The following MSI2 variants were observed in gnomAD, a reference collection of about 807,000 sequenced individuals.
MSI2 encodes RNA-binding protein Musashi homolog 2.
A neutral mutation model predicts 45.6 loss-of-function variants in MSI2; 17 were observed. The observed-to-expected ratio is 0.37, with a 90% CI of 0.26 to 0.56. MSI2 has a LOEUF of 0.56. MSI2 is among the 20% of genes least tolerant of loss of function. The probability of loss-of-function intolerance (pLI) is 0.77; values close to 1 mark genes in which losing one functional copy is unlikely to be tolerated. For synonymous variants in MSI2, 156 were observed against 158.2 expected (o/e 0.99, Z 0.11); for missense variants, 293 against 444.2 (o/e 0.66, Z 3.06).
intron 6 of MSI2, among the ~76,000 whole-genome samples, chr17:57,519,013 C>G (rs2086528608): frequency 6.6e-6 from 1 of 152,190 alleles, no homozygotes; most frequent in Non-Finnish European, 1.5e-5. Flanking sequence ...GCCTGCTGCC[C>G]CACTCTCCAG....
chr17:57,513,081 C>A (rs147563759), intron 6 of MSI2, among the ~76,000 whole-genome samples: 1 of 149,158 alleles, frequency 6.7e-6, no homozygotes, highest in African/African-American at 2.5e-5. Context: ...TCAAGCGATT[C>A]TCCTACCTAA....
At chr17:57,355,749 T>C (rs2143866285) in intron 5 of MSI2, among the ~76,000 whole-genome samples, 1 of 152,370 alleles carries the variant, frequency 6.6e-6, no homozygotes, top group Admixed American at 6.5e-5. Flanking sequence ...GCTCACCTTT[T>C]AATAACTTGC....
intron 7 of MSI2, among the ~76,000 whole-genome samples, chr17:57,577,680 G>C (rs1159947504): frequency 1.3e-5 from 2 of 152,186 alleles, no homozygotes; most frequent in Non-Finnish European, 1.5e-5. Context: ...TTTTCTTGGA[G>C]TCATGATGTA....
chr17:57,262,720 A>G lies in MSI2; in HGVS notation c.312+528A>G, dbSNP rs559872774. On this transcript the variant is annotated intron_variant, in intron 5 of 13. Coordinates refer to ENST00000284073, the MANE Select transcript of MSI2 (RefSeq NM_138962.4). ...ATAAGTCAGGGCATACTTGAAACCA[A>G]CAGTGCTTCTTATTTGTGCAAGTGC... 1.4e-4 allele frequency among the ~76,000 whole-genome samples: 22 copies of G among 152,336 alleles called. No individual in the cohort carries two copies. In the East Asian group the frequency reaches 3.3e-3, roughly 23 times the overall value.
At chr17:57,633,231 T>G (rs886464637) in intron 10 of MSI2, 19 of 985,854 alleles carry the variant, frequency 1.9e-5, no homozygotes, top group Admixed American at 5.9e-5. Flanking sequence ...CTGTTCTCGC[T>G]CCGGGGGAGG....
At chr17:57,691,962 T>C in the MSI2 span, among the ~76,000 whole-genome samples, 2 of 152,194 alleles carry the variant, frequency 1.3e-5, no homozygotes, top group Non-Finnish European at 2.9e-5. Context: ...ATGTTAGCTG[T>C]AAGTTTTTTG....
intron 10 of MSI2, chr17:57,628,585 G>A (rs1235957087): frequency 6.6e-6 from 1 of 152,442 alleles, no homozygotes; most frequent in African/African-American, 2.4e-5. Flanking sequence ...TCTCTCTTTT[G>A]GAAAAGGGGG....
intron 6 of MSI2, among the ~76,000 whole-genome samples, chr17:57,465,170 T>C (rs1327415378): frequency 2.0e-5 from 3 of 152,158 alleles, no homozygotes; most frequent in African/African-American, 7.2e-5. Flanking sequence ...AAAACCTAAA[T>C]TAAAGCACAG....
chr17:57,442,723 G>C (rs2084823212), intron 6 of MSI2, among the ~76,000 whole-genome samples: 1 of 152,208 alleles, frequency 6.6e-6, no homozygotes, highest in African/African-American at 2.4e-5. Flanking sequence ...GGGAGCGAGG[G>C]AGGCGGTGCT....
chr17:57,679,231 C>G (rs1287261851), intron 13 of MSI2, among the ~76,000 whole-genome samples: 1 of 152,220 alleles, frequency 6.6e-6, no homozygotes, highest in East Asian at 1.9e-4. Context: ...GCCCACCTGG[C>G]TGCAATCCCT....
intron 5 of MSI2, chr17:57,279,902 C>G (rs1481009029): frequency 6.6e-6 from 1 of 152,196 alleles, no homozygotes; most frequent in African/African-American, 2.4e-5. Flanking sequence ...TTGCCTTGGC[C>G]TCCCAAAGTA....
intron 6 of MSI2, among the ~76,000 whole-genome samples, chr17:57,520,590 T>C (rs904851407): frequency 2.6e-5 from 4 of 152,210 alleles, no homozygotes; most frequent in African/African-American, 9.7e-5. Flanking sequence ...CAAAAATGGT[T>C]AAAATGATAA....
Position 57,683,462 on chromosome 17 carries a change from A to T in MSI2, c.*3945A>T, listed in dbSNP as rs1238438214. The T allele has an allele frequency of 4.4e-6, 1 of 229,400 alleles. No individual in the cohort carries two copies. The highest frequency in any genetic ancestry group is 2.2e-5 in the African/African-American group (1 of 45,144). The allele number at this position is 229,400 out of a possible 1,614,324, so 14.2% of individuals were successfully genotyped here. A position where few individuals can be genotyped will look rare whatever the true frequency, so the allele number is the denominator to read the frequency against. On this transcript the variant is annotated 3_prime_UTR_variant, in exon 14 of 14. Coordinates refer to ENST00000284073, the MANE Select transcript of MSI2 (RefSeq NM_138962.4). The surrounding 1 kb of genome is among the most constrained non-coding windows in gnomAD (Gnocchi z 5.2). ...GGACTTAGCCTCCTCCACCACCTCC[A>T]CACTGCTTCATTCTGCCATTCACTC...
chr17:57,549,675 G>A (rs1567893227), intron 7 of MSI2, among the ~76,000 whole-genome samples: 1 of 152,304 alleles, frequency 6.6e-6, no homozygotes, highest in East Asian at 1.9e-4. Context: ...CCTAATGGGT[G>A]ACTGATACTC....
chr17:57,261,251 G>A (rs758915549), intron 4 of MSI2, among the ~76,000 whole-genome samples: 16 of 152,156 alleles, frequency 1.1e-4, no homozygotes, highest in Non-Finnish European at 2.1e-4. Context: ...CGTTTTGCAA[G>A]TGTGTGATTT....
rs1465726123 is a variant in MSI2, at chr17:57,508,304, GC to G, written c.406-21371del. Among the ~76,000 whole-genome samples, 5 of 152,232 alleles carry G rather than the reference GC, an allele frequency of 3.3e-5. No homozygotes were observed. In the East Asian group the frequency reaches 9.7e-4, roughly 29 times the overall value. ...CCTTCCTCTGCTGCCCGTATCCAGCGCAGACTTCCCGGACCTCCAGCCCCTA... is the reference window on the plus strand; with the variant it reads ...CCTTCCTCTGCTGCCCGTATCCAGCGAGACTTCCCGGACCTCCAGCCCCTA... On this transcript the variant is annotated intron_variant, in intron 6 of 13. Transcript: ENST00000284073.
chr17:57,381,393 C>T (rs2083595212), intron 5 of MSI2, among the ~76,000 whole-genome samples: 1 of 152,170 alleles, frequency 6.6e-6, no homozygotes, highest in South Asian at 2.1e-4. Context: ...AATGGCTCAT[C>T]TCAAATATCT....
chr17:57,652,278 CCGGGGAGGGGGTGGA>C lies in MSI2; in HGVS notation c.790+134_790+148del, dbSNP rs1025817631. 110 of 1,087,656 alleles carry C rather than the reference CCGGGGAGGGGGTGGA, an allele frequency of 1.0e-4. No individual in the cohort carries two copies. The highest frequency in any genetic ancestry group is 8.9e-4 in the African/African-American group (58 of 65,058). 67.4% of individuals were successfully genotyped at this position (1,087,656 alleles called of 1,614,324 possible). A position where few individuals can be genotyped will look rare whatever the true frequency, so the allele number is the denominator to read the frequency against. ...GTCCAACACCACTCTCACCACAGCCCCGGGGAGGGGGTGGACGGGGAGGGGGTGGACCGGGAGGCG... is the reference window on the plus strand; with the variant it reads ...GTCCAACACCACTCTCACCACAGCCCCGGGGAGGGGGTGGACCGGGAGGCG... On this transcript the variant is annotated intron_variant, in intron 11 of 13. Coordinates refer to ENST00000284073, the MANE Select transcript of MSI2 (RefSeq NM_138962.4). The surrounding 1 kb of genome is among the most constrained non-coding windows in gnomAD (Gnocchi z 4.1).
chr17:57,261,982 G>A (rs1023235156), intron 4 of MSI2, 169 bp from the exon 5 acceptor site: 4 of 640,546 alleles, frequency 6.2e-6, no homozygotes, highest in African/African-American at 5.5e-5. Context: ...TCTGTTGGAG[G>A]GATGGTTAAA....
Sources: allele counts gnomAD v4.1 joint callset (sites outside exome capture counted in the v4.1 genomes callset), GRCh38; gene constraint gnomAD v4.1.1; non-coding constraint Gnocchi (gnomAD v3.1); transcripts MANE v1.5; gene names NCBI Gene and HGNC (gene_info 2026-07-23, HGNC 2026-07-21).